The following RNF145 variants were observed in gnomAD, a reference collection of about 807,000 sequenced individuals.
RNF145 encodes ring finger protein 145.
RNF145 carries 12 observed loss-of-function variants against 57.3 expected under a neutral mutation model. The ratio of observed to expected loss-of-function variants is 0.21; its 90% CI spans 0.13 to 0.34. The LOEUF is 0.34. RNF145 is among the 10% of genes least tolerant of loss of function. The pLI is 1.00. For synonymous variants in RNF145, 262 were observed against 288.3 expected (o/e 0.91, Z 0.92); for missense variants, 429 against 799.0 (o/e 0.54, Z 5.58).
rs1214647924 is a variant in RNF145 at position 159,161,547 on chromosome 5, C to T, written c.1345G>A (p.Asp449Asn). 3 of 1,613,650 alleles carry T rather than the reference C, an allele frequency of 1.9e-6. No homozygotes were observed. The highest frequency in any genetic ancestry group is 2.5e-6 in the Non-Finnish European group (3 of 1,179,890). Reference sequence around the variant, plus strand: ...GTGCCATTCACATAGTAGATGACATCATCCATGTTTTCCACTGGCTCTTTT... The same window carrying T: ...GTGCCATTCACATAGTAGATGACATTATCCATGTTTTCCACTGGCTCTTTT... Reference protein sequence around the residue: ...FRKEPVENMDDVIYYVNGTYR... With the variant: ...FRKEPVENMDNVIYYVNGTYR... The change falls in exon 10 of 11, where the codon GAT becomes AAT. Residue 449 changes from aspartate to asparagine, a missense_variant. Coordinates refer to ENST00000424310, the MANE Select transcript of RNF145 (RefSeq NM_001199383.2).
At chr5:159,189,511 A>C (rs1785211165) in intron 3 of RNF145, among the ~76,000 whole-genome samples, 1 of 152,234 alleles carries the variant, frequency 6.6e-6, no homozygotes, top group Non-Finnish European at 1.5e-5. Context: ...AGAAATATGA[A>C]ACACTGCAGC....
intron 4 of RNF145, among the ~76,000 whole-genome samples, chr5:159,180,548 C>T (rs189968609): frequency 6.6e-6 from 1 of 152,148 alleles, no homozygotes; most frequent in East Asian, 1.9e-4. Context: ...ACTCAACAAG[C>T]AACTAGTCTA....
In RNF145 at chr5:159,172,248, TGA is replaced by T. The variant is rs545474204; in HGVS notation, c.797+1733_797+1734del. On this transcript the variant is annotated intron_variant, in intron 6 of 10. Coordinates refer to ENST00000424310, the MANE Select transcript of RNF145 (RefSeq NM_001199383.2). ...GTTCACACCTGTAATCCCAGGACTT[TGA>T]GAGGCTGAGGTGGGTGGATCACCTG... Among the ~76,000 whole-genome samples, 436 of 152,296 alleles carry T rather than the reference TGA, an allele frequency of 2.9e-3. 1 individual carries two copies. Among genetic ancestry groups the T allele is most frequent in the African/African-American group, 9.6e-3 (401 of 41,556 alleles).
chr5:159,186,307 T>G (rs1387424286), intron 3 of RNF145, among the ~76,000 whole-genome samples: 1 of 152,196 alleles, frequency 6.6e-6, no homozygotes. Flanking sequence ...GAAGTATACA[T>G]GTTACAAAAA....
chr5:159,157,683 G>A lies in RNF145; in HGVS notation c.*987C>T, dbSNP rs1374805125. 2 of 152,742 alleles carry A rather than the reference G, an allele frequency of 1.3e-5. No individual in the cohort carries two copies. The highest frequency in any genetic ancestry group is 1.3e-4 in the Admixed American group (2 of 15,280). The allele number at this position is 152,742 out of a possible 1,614,324, so 9.5% of individuals were successfully genotyped here. ...GACACATCCTTGTCAAAGAAAAGGT[G>A]CAAAGTCTATTAACAGCTTTAAAAG... On this transcript the variant is annotated 3_prime_UTR_variant, in exon 11 of 11. Transcript: ENST00000424310.
rs1369014322 is a variant in RNF145 at position 159,209,306 on chromosome 5, C to T, written c.-115G>A. 9.1e-6 allele frequency: 9 copies of T among 985,406 alleles called. No homozygotes were observed. Among genetic ancestry groups the T allele is most frequent in the Non-Finnish European group, 1.1e-5 (9 of 829,954 alleles). The allele number at this position is 985,406 out of a possible 1,614,324, so 61.0% of individuals were successfully genotyped here. A position where few individuals can be genotyped will look rare whatever the true frequency, so the allele number is the denominator to read the frequency against. On this transcript the variant is annotated 5_prime_UTR_variant, in exon 1 of 11. Coordinates refer to ENST00000424310, the MANE Select transcript of RNF145 (RefSeq NM_001199383.2). ...TCCGCAACTCCCCGGCTCTCTCGCC[C>T]GCCCTCCCGTTCTCCTCGGGCGGCG...
chr5:159,207,831 T>C (rs1172582490), intron 1 of RNF145: 2 of 1,614,154 alleles, frequency 1.2e-6, no homozygotes, highest in African/African-American at 1.3e-5. Flanking sequence ...GAGTCTACTC[T>C]GAATACAAAG....
chr5:159,185,253 G>A (rs1170658166), intron 3 of RNF145, among the ~76,000 whole-genome samples: 2 of 151,952 alleles, frequency 1.3e-5, no homozygotes, highest in Non-Finnish European at 2.9e-5. Flanking sequence ...CTCTCTTTAG[G>A]CCAGCTCAGC....
At chr5:159,199,407 T>TAGC in intron 2 of RNF145, among the ~76,000 whole-genome samples, 1 of 151,808 alleles carries the variant, frequency 6.6e-6, no homozygotes, top group South Asian at 2.1e-4. Flanking sequence ...AAAAAAACAC[T>TAGC]TTCAAGAAAG....
chr5:159,204,457 A>G (rs1278371313), intron 1 of RNF145, among the ~76,000 whole-genome samples: 1 of 152,134 alleles, frequency 6.6e-6, no homozygotes, highest in South Asian at 2.1e-4. Flanking sequence ...GGGACAATTC[A>G]ATGCCATACT....
At chr5:159,162,063 C>T (rs1463101515) in intron 9 of RNF145, among the ~76,000 whole-genome samples, 1 of 152,198 alleles carries the variant, frequency 6.6e-6, no homozygotes, top group Non-Finnish European at 1.5e-5. Flanking sequence ...GTTATGTTTT[C>T]CTTTACCTAG....
At chr5:159,193,190 T>C (rs1020896465) in intron 3 of RNF145, among the ~76,000 whole-genome samples, 2 of 152,214 alleles carry the variant, frequency 1.3e-5, no homozygotes, top group Non-Finnish European at 2.9e-5. Flanking sequence ...AAACGGGGAA[T>C]GTCACTGTCT....
At chr5:159,202,455 A>C (rs568431131) in intron 2 of RNF145, among the ~76,000 whole-genome samples, 4 of 152,186 alleles carry the variant, frequency 2.6e-5, no homozygotes, top group Non-Finnish European at 5.9e-5. Flanking sequence ...TACTGAACCG[A>C]AACGTTTTGT....
At chr5:159,177,809 G>A (rs1784766102) in intron 4 of RNF145, among the ~76,000 whole-genome samples, 1 of 152,014 alleles carries the variant, frequency 6.6e-6, no homozygotes, top group African/African-American at 2.4e-5. Context: ...TTAGAGATGG[G>A]AAGAACAGGG....
rs780233656 is a variant in RNF145, at chr5:159,169,662, T to A, written c.938+17A>T. 1 of 1,563,410 alleles carries A rather than the reference T, an allele frequency of 6.4e-7. No homozygotes were observed. The highest frequency in any genetic ancestry group is 2.3e-5 in the East Asian group (1 of 43,226). On this transcript the variant is annotated intron_variant, in intron 7 of 10. Coordinates refer to ENST00000424310, the MANE Select transcript of RNF145 (RefSeq NM_001199383.2). ...ATAGTATTTACATTTCTAGATATAA[T>A]CAAGGAAAGAACTTACCGATTCATG...
intron 2 of RNF145, among the ~76,000 whole-genome samples, chr5:159,199,258 C>G (rs188095806): frequency 6.6e-6 from 1 of 152,066 alleles, no homozygotes; most frequent in Non-Finnish European, 1.5e-5. Flanking sequence ...GCCCAAACTA[C>G]GTTCGGTCAC....
At chr5:159,179,224 A>AAG (rs1398390065) in intron 4 of RNF145, among the ~76,000 whole-genome samples, 2 of 152,062 alleles carry the variant, frequency 1.3e-5, no homozygotes, top group Non-Finnish European at 2.9e-5. Flanking sequence ...TATTTAAGAG[A>AAG]AGACTACTCC....
At chr5:159,164,755 A>G (rs912766170) in intron 8 of RNF145, among the ~76,000 whole-genome samples, 4 of 152,220 alleles carry the variant, frequency 2.6e-5, no homozygotes, top group African/African-American at 9.6e-5. Flanking sequence ...CATAATTTGA[A>G]TAAGTAGACC....
At chr5:159,207,690 G>A (rs531776030) in intron 1 of RNF145, 1 of 1,611,196 alleles carries the variant, frequency 6.2e-7, no homozygotes, top group Non-Finnish European at 8.5e-7. Context: ...ATAAGCAATG[G>A]CACATGTTTT....
Sources: gnomAD v4.1 joint callset for allele counts (sites outside exome capture counted in the v4.1 genomes callset) on GRCh38, gnomAD v4.1.1 for gene constraint, MANE v1.5 for transcripts, NCBI Gene and HGNC (gene_info 2026-07-23, HGNC 2026-07-21) for gene names.